SLC7A1: variants seen among roughly 807,000 people sequenced by gnomAD.
SLC7A1 encodes solute carrier family 7 member 1.
Under a neutral mutation model 53.9 loss-of-function variants are expected in SLC7A1, and 10 were observed. That is an observed-to-expected ratio of 0.19 (90% CI 0.11 to 0.31). The LOEUF is 0.31. Among genes scored for constraint, SLC7A1 ranks in the 10% least tolerant of loss-of-function variants. The pLI, the probability that SLC7A1 is intolerant of heterozygous loss-of-function variation, is 1.00. For missense variants in SLC7A1, 525 were observed against 827.2 expected, an observed-to-expected ratio of 0.63 and a Z score of 4.48; for synonymous variants, 342 against 338.7, an observed-to-expected ratio of 1.01 and a Z score of -0.11.
chr13:29,539,456 C>CT (rs1352853681), intron 2 of SLC7A1, among the ~76,000 whole-genome samples: 32 of 152,308 alleles, frequency 2.1e-4, no homozygotes, highest in African/African-American at 7.2e-4. Flanking sequence ...AACCAAGCAA[C>CT]TTATGCTGGG....
chr13:29,536,296 G>A, intron 2 of SLC7A1, 94 bp from the exon 3 acceptor site: 1 of 1,259,494 alleles, frequency 7.9e-7, no homozygotes, highest in South Asian at 1.4e-5. Flanking sequence ...CAGTGATCAG[G>A]TCCTTCATAA....
At chr13:29,551,556 C>A (rs1461808016) in intron 2 of SLC7A1, among the ~76,000 whole-genome samples, 7 of 152,288 alleles carry the variant, frequency 4.6e-5, no homozygotes, top group Non-Finnish European at 7.3e-5. Flanking sequence ...GCCCAAGAAG[C>A]GGAAGACTCT....
rs574497207 is a variant in SLC7A1, at chr13:29,567,694, C to T, written c.-114-13834G>A. Among the ~76,000 whole-genome samples the T allele has an allele frequency of 2.8e-4, 42 of 152,246 alleles. No individual in the cohort carries two copies. In the South Asian group the frequency reaches 6.9e-3, roughly 25 times the overall value. On this transcript the variant is annotated intron_variant, in intron 1 of 12. Transcript: ENST00000380752. ...TCCCACGGATGCAACCCGGACAGTG[C>T]GGCAGTTCTAAAGAAGCCCACAAAG...
intron 1 of SLC7A1, among the ~76,000 whole-genome samples, chr13:29,556,347 T>C (rs1870439826): frequency 6.6e-6 from 1 of 152,162 alleles, no homozygotes; most frequent in African/African-American, 2.4e-5. Context: ...TTAGGTAAAT[T>C]AAGACATTTA....
chr13:29,574,388 A>G (rs1220770574), intron 1 of SLC7A1, among the ~76,000 whole-genome samples: 3 of 152,238 alleles, frequency 2.0e-5, no homozygotes, highest in Non-Finnish European at 4.4e-5. Flanking sequence ...ACTGACGCTT[A>G]ATGTTGCCTA....
chr13:29,561,171 A>G (rs1870736521), intron 1 of SLC7A1, among the ~76,000 whole-genome samples: 1 of 152,184 alleles, frequency 6.6e-6, no homozygotes, highest in South Asian at 2.1e-4. Context: ...TTCAAAAACT[A>G]AGAACGGACC....
chr13:29,539,367 C>T (rs956390976), intron 2 of SLC7A1, among the ~76,000 whole-genome samples: 4 of 152,098 alleles, frequency 2.6e-5, no homozygotes, highest in Admixed American at 6.5e-5. Flanking sequence ...CATGGAGGTG[C>T]GCAGATGCAA....
At chr13:29,544,039 A>G (rs1184444807) in intron 2 of SLC7A1, among the ~76,000 whole-genome samples, 2 of 152,118 alleles carry the variant, frequency 1.3e-5, no homozygotes, top group Non-Finnish European at 2.9e-5. Context: ...AGCCAGGTTA[A>G]AGCAACATGG....
Position 29,530,475 on chromosome 13 carries a change from T to C in SLC7A1, c.704+63A>G, listed in dbSNP as rs116774980. 5.4e-4 allele frequency: 755 copies of C among 1,391,132 alleles called. 2 individuals are homozygous for C. The African/African-American group carries it at 8.6e-3, about 16-fold the overall frequency. The allele number at this position is 1,391,132 out of a possible 1,614,324, so 86.2% of individuals were successfully genotyped here. A position where few individuals can be genotyped will look rare whatever the true frequency, so the allele number is the denominator to read the frequency against. ...GCACATGCCATCCTAGCCAGTTATA[T>C]CCCCCATACAATCTATGTCATTAAA... On this transcript the variant is annotated intron_variant, in intron 5 of 12. Transcript: ENST00000380752.
chr13:29,556,553 A>AT lies in SLC7A1; in HGVS notation c.-114-2694dup, dbSNP rs113261151. 4.9e-3 allele frequency among the ~76,000 whole-genome samples: 748 copies of AT among 152,056 alleles called. 6 individuals are homozygous for AT. The highest frequency in any genetic ancestry group is 0.016 in the African/African-American group (648 of 41,458). The stretch of plus-strand genomic sequence containing the variant: ...ACCACCACGCCTGGCTAATTTTTGT[A>AT]TTTTTTGTAGAAACAGGGTTTTGCC... On this transcript the variant is annotated intron_variant, in intron 1 of 12. Coordinates refer to ENST00000380752, the MANE Select transcript of SLC7A1 (RefSeq NM_003045.5).
intron 1 of SLC7A1, among the ~76,000 whole-genome samples, chr13:29,566,370 C>T (rs1266621302): frequency 6.6e-6 from 1 of 152,182 alleles, no homozygotes; most frequent in Admixed American, 6.5e-5. Flanking sequence ...GCAGAAACAA[C>T]CCAAACGTCC....
Position 29,511,847 on chromosome 13 carries a change from C to T in SLC7A1, c.*2633G>A, listed in dbSNP as rs1566249434. 1 of 152,154 alleles carries T rather than the reference C, an allele frequency of 6.6e-6. No individual in the cohort carries two copies. Among genetic ancestry groups the T allele is most frequent in the South Asian group, 2.1e-4 (1 of 4,824 alleles). 9.4% of individuals were successfully genotyped at this position (152,154 alleles called of 1,614,324 possible). On this transcript the variant is annotated 3_prime_UTR_variant, in exon 13 of 13. Transcript: ENST00000380752. ...GCTGGTGCACAGATAAAAGTAGACA[C>T]AATACTCCTTGGTGGGTGTGCCTCT...
intron 5 of SLC7A1, among the ~76,000 whole-genome samples, chr13:29,527,072 T>TA (rs34724516): frequency 8.2e-4 from 118 of 143,976 alleles, no homozygotes; most frequent in East Asian, 2.4e-3. Flanking sequence ...AGGGCCTGAT[T>TA]AAAAAAAAAA....
intron 5 of SLC7A1, among the ~76,000 whole-genome samples, chr13:29,526,891 G>A (rs902719178): frequency 2.6e-5 from 4 of 152,230 alleles, no homozygotes; most frequent in East Asian, 1.9e-4. Flanking sequence ...GCTGTGCTGC[G>A]CCAACTCCAG....
chr13:29,591,328 T>C (rs532499), intron 1 of SLC7A1, among the ~76,000 whole-genome samples: 108,472 of 152,098 alleles, frequency 0.71, 39,021 homozygotes, highest in East Asian at 0.94. Context: ...AATGTGGTTC[T>C]GAGGAATATC....
At chr13:29,577,875 G>T (rs1488872883) in intron 1 of SLC7A1, among the ~76,000 whole-genome samples, 5 of 152,116 alleles carry the variant, frequency 3.3e-5, no homozygotes, top group Non-Finnish European at 7.3e-5. Context: ...CCGCGTGCTG[G>T]GCAACCAAGG....
intron 2 of SLC7A1, among the ~76,000 whole-genome samples, chr13:29,550,407 A>G (rs537068685): frequency 6.6e-6 from 1 of 152,394 alleles, no homozygotes; most frequent in Non-Finnish European, 1.5e-5. Context: ...GCAGATGGAA[A>G]TCACTTTTCA....
At chr13:29,537,047 C>A (rs1869453119) in intron 2 of SLC7A1, among the ~76,000 whole-genome samples, 1 of 152,204 alleles carries the variant, frequency 6.6e-6, no homozygotes, top group South Asian at 2.1e-4. Context: ...GCCCACCTTG[C>A]CCGACCAGAT....
rs1327633430 is a variant in SLC7A1, at chr13:29,535,875, A to G, written c.314T>C (p.Val105Ala). The change falls in exon 3 of 13, where the codon GTT becomes GCT. Residue 105 changes from valine (V) to alanine (A), a missense_variant. Physicochemically the swap from Val to Ala is moderately conservative, Grantham distance 64. Transcript: ENST00000380752. Reference sequence around the variant, plus strand: ...GGTGATGAAGGCCCAGAGCTCTCCAACGGTGACATAGCTGTAGAGGTAAGC... The same window carrying G: ...GGTGATGAAGGCCCAGAGCTCTCCAGCGGTGACATAGCTGTAGAGGTAAGC... ...GSAYLYSYVT[V>A]GELWAFITGW... is the part of the protein sequence containing the mutation. 9 of 1,614,056 alleles carry G rather than the reference A, an allele frequency of 5.6e-6. No homozygotes were observed. Among genetic ancestry groups the G allele is most frequent in the Non-Finnish European group, 5.9e-6 (7 of 1,180,040 alleles).
Sources: allele counts gnomAD v4.1 joint callset (sites outside exome capture counted in the v4.1 genomes callset), GRCh38; gene constraint gnomAD v4.1.1; transcripts MANE v1.5; gene names NCBI Gene and HGNC (gene_info 2026-07-23, HGNC 2026-07-21).